The following ZNF385D variants were observed in gnomAD, a reference collection of about 807,000 sequenced individuals.
The protein encoded by ZNF385D is zinc finger protein 659.
In ZNF385D, 15 loss-of-function variants were observed where a neutral mutation model predicts 35.8. That is an observed-to-expected ratio of 0.42 (90% CI 0.28 to 0.64). ZNF385D has a LOEUF of 0.64. ZNF385D is among the 30% of genes least tolerant of loss of function. The pLI, the probability that ZNF385D is intolerant of heterozygous loss-of-function variation, is 0.23. For synonymous variants in ZNF385D, 212 were observed against 186.8 expected, an observed-to-expected ratio of 1.13 and a Z score of -1.10; for missense variants, 474 against 494.6, an observed-to-expected ratio of 0.96 and a Z score of 0.39.
intron 3 of ZNF385D, among the ~76,000 whole-genome samples, chr3:21,912,411 G>A (rs549312048): frequency 3.9e-5 from 6 of 152,154 alleles, no homozygotes; most frequent in African/African-American, 1.4e-4. Flanking sequence ...AATATTTAGA[G>A]AGACAAAATA....
rs531373643 is a variant in ZNF385D at position 21,904,253 on chromosome 3, G to A, written c.326-239225C>T. Among the ~76,000 whole-genome samples the A allele has an allele frequency of 5.9e-5, 8 of 136,514 alleles. No individual in the cohort carries two copies. In the South Asian group the frequency reaches 9.7e-4, roughly 16 times the overall value. The allele number at this position is 136,514 out of a possible 152,430, so 89.6% of individuals were successfully genotyped here. On this transcript the variant is annotated intron_variant, in intron 3 of 5. Coordinates refer to the ZNF385D transcript ENST00000494108. ...CAGGAGGCGGAGGTTGCAGTGAGCC[G>A]AGATCATGCCACTGCACTCCAGCCT...
At chr3:22,180,340 G>A (rs188184446) in intron 2 of ZNF385D, among the ~76,000 whole-genome samples, 107 of 152,238 alleles carry the variant, frequency 7.0e-4, no homozygotes, top group African/African-American at 2.4e-3. Context: ...ATTCACAGCC[G>A]AATTCTAACA....
intron 1 of ZNF385D, among the ~76,000 whole-genome samples, chr3:21,706,943 T>C (rs983116630): frequency 2.5e-4 from 38 of 152,218 alleles, no homozygotes; most frequent in African/African-American, 8.7e-4. Flanking sequence ...TTCAAGTAGC[T>C]GCCTCAGCCT....
intron 1 of ZNF385D, among the ~76,000 whole-genome samples, chr3:21,733,095 T>C (rs1202480439): frequency 1.5e-5 from 2 of 137,756 alleles, no homozygotes; most frequent in African/African-American, 5.0e-5. Flanking sequence ...TCTAAATTCA[T>C]TTTTTTTTCA....
chr3:22,310,340 C>T (rs1295479492), intron 2 of ZNF385D, among the ~76,000 whole-genome samples: 3 of 151,896 alleles, frequency 2.0e-5, no homozygotes, highest in Non-Finnish European at 4.4e-5. Context: ...CATAAAAGGG[C>T]CTAGCACATA....
At chr3:21,479,328 T>A (rs925423214) in intron 4 of ZNF385D, among the ~76,000 whole-genome samples, 1 of 152,044 alleles carries the variant, frequency 6.6e-6, no homozygotes, top group African/African-American at 2.4e-5. Flanking sequence ...GATCCATAAT[T>A]TAGCATGTGT....
At chr3:22,273,286 C>A (rs1701270240) in intron 2 of ZNF385D, among the ~76,000 whole-genome samples, 1 of 151,974 alleles carries the variant, frequency 6.6e-6, no homozygotes, top group Admixed American at 6.6e-5. Flanking sequence ...ACACACACAT[C>A]AGCTGCACAG....
At chr3:21,920,881 C>A (rs12493892) in intron 3 of ZNF385D, among the ~76,000 whole-genome samples, 2 of 151,672 alleles carry the variant, frequency 1.3e-5, no homozygotes, top group African/African-American at 4.8e-5. Flanking sequence ...TTACAAAATA[C>A]ATTAAAATAT....
At chr3:22,136,358 C>T (rs367590815) in intron 3 of ZNF385D, among the ~76,000 whole-genome samples, 8 of 151,274 alleles carry the variant, frequency 5.3e-5, no homozygotes, top group South Asian at 2.1e-4. Flanking sequence ...ACTTTATTTC[C>T]GCCTGGGCGA....
At chr3:21,913,510 T>C (rs548074585) in intron 3 of ZNF385D, among the ~76,000 whole-genome samples, 6 of 152,260 alleles carry the variant, frequency 3.9e-5, no homozygotes, top group Admixed American at 6.6e-5. Flanking sequence ...CCTTACAGTG[T>C]TGGCATTTAA....
chr3:21,761,558 T>A (rs1024961455), intron 3 of ZNF385D, among the ~76,000 whole-genome samples: 10 of 152,162 alleles, frequency 6.6e-5, no homozygotes, highest in Admixed American at 2.0e-4. Context: ...GTGAAGGTCA[T>A]CAATCAATGC....
At chr3:21,909,866 A>T (rs554402513) in intron 3 of ZNF385D, among the ~76,000 whole-genome samples, 1 of 152,064 alleles carries the variant, frequency 6.6e-6, no homozygotes, top group African/African-American at 2.4e-5. Flanking sequence ...CGAACATCAG[A>T]AAGTTTATAA....
chr3:21,714,818 A>T (rs1260253514), intron 1 of ZNF385D, among the ~76,000 whole-genome samples: 1 of 152,164 alleles, frequency 6.6e-6, no homozygotes, highest in Non-Finnish European at 1.5e-5. Context: ...CTCTCTTTTT[A>T]AAAAAATAAA....
At chr3:21,623,878 A>G (rs995575792) in intron 2 of ZNF385D, among the ~76,000 whole-genome samples, 1 of 152,232 alleles carries the variant, frequency 6.6e-6, no homozygotes, top group South Asian at 2.1e-4. Context: ...AAGTAAAGCA[A>G]TGTAACTCTG....
At chr3:21,782,130 A>C (rs867485068) in intron 3 of ZNF385D, among the ~76,000 whole-genome samples, 6 of 152,214 alleles carry the variant, frequency 3.9e-5, no homozygotes, top group Middle Eastern at 3.4e-3. Flanking sequence ...TAATTCATTC[A>C]GAGACAATGC....
rs1700561879 is a variant in ZNF385D at position 21,416,394 on chromosome 3, A to G, written c.*4820T>C. ...GAACCTGCCTTTTGTCACCATTCAC[A>G]TTCTGGTAAGTTGTAAGTCCATTCC... On this transcript the variant is annotated 3_prime_UTR_variant, in exon 8 of 8. Transcript: ENST00000281523. 6.6e-6 allele frequency: 1 copy of G among 152,290 alleles called. No individual in the cohort carries two copies. Among genetic ancestry groups the G allele is most frequent in the South Asian group, 2.1e-4 (1 of 4,832 alleles). The allele number at this position is 152,290 out of a possible 1,614,324, so 9.4% of individuals were successfully genotyped here.
At chr3:21,583,975 T>TTTA (rs1191576310) in intron 2 of ZNF385D, among the ~76,000 whole-genome samples, 2 of 150,294 alleles carry the variant, frequency 1.3e-5, no homozygotes, top group Non-Finnish European at 3.0e-5. Context: ...TATTTATTTA[T>TTTA]TTATTTATTT....
Position 21,908,256 on chromosome 3 carries a change from T to C in ZNF385D, c.326-243228A>G, listed in dbSNP as rs145948971. ...ATGAGTAGAAAATTAGATTACTGAATTAAGAAAAAGACGTAAGGAAAAGAA... is the reference window on the plus strand; with the variant it reads ...ATGAGTAGAAAATTAGATTACTGAACTAAGAAAAAGACGTAAGGAAAAGAA... On this transcript the variant is annotated intron_variant, in intron 3 of 5. Coordinates refer to the ZNF385D transcript ENST00000494108. Among the ~76,000 whole-genome samples the C allele has an allele frequency of 2.1e-3, 313 of 151,884 alleles. 1 individual carries two copies. Among genetic ancestry groups the C allele is most frequent in the African/African-American group, 6.4e-3 (265 of 41,454 alleles).
intron 3 of ZNF385D, among the ~76,000 whole-genome samples, chr3:21,959,385 C>A (rs1057213275): frequency 6.6e-6 from 1 of 151,774 alleles, no homozygotes; most frequent in African/African-American, 2.4e-5. Context: ...CCAGCCAAAA[C>A]GGTAAGAGAA....
Sources: gnomAD v4.1 joint callset for allele counts (sites outside exome capture counted in the v4.1 genomes callset) on GRCh38, gnomAD v4.1.1 for gene constraint, MANE v1.5 for transcripts, NCBI Gene and HGNC (gene_info 2026-07-23, HGNC 2026-07-21) for gene names.